The following ADARB2 variants were observed in gnomAD, a reference collection of about 807,000 sequenced individuals.
ADARB2 encodes adenosine deaminase RNA specific B2 (inactive).
ADARB2 carries 25 observed loss-of-function variants against 62.2 expected under a neutral mutation model. The ratio of observed to expected loss-of-function variants is 0.40; its 90% CI spans 0.29 to 0.56. The LOEUF is 0.56. ADARB2 is among the 20% of genes least tolerant of loss of function. ADARB2 has a pLI of 0.43. For missense variants in ADARB2, 1,071 were observed against 1,077.4 expected, an observed-to-expected ratio of 0.99 and a Z score of 0.08; for synonymous variants, 572 against 500.8, an observed-to-expected ratio of 1.14 and a Z score of -1.90.
chr10:1,404,661 G>A (rs946618888), intron 1 of ADARB2, among the ~76,000 whole-genome samples: 5 of 152,196 alleles, frequency 3.3e-5, no homozygotes, highest in African/African-American at 1.2e-4. Flanking sequence ...TGCCTGGCGA[G>A]TCTCTTAAAG....
chr10:1,607,431 C>T (rs1423199352), intron 1 of ADARB2, among the ~76,000 whole-genome samples: 1 of 152,232 alleles, frequency 6.6e-6, no homozygotes, highest in African/African-American at 2.4e-5. Flanking sequence ...CTAACCTCGG[C>T]TCTGAAGTTT....
At chr10:1,566,063 CAAAAAAAAAAAAAAAAA>C (rs376967105) in intron 1 of ADARB2, among the ~76,000 whole-genome samples, 19 of 128,030 alleles carry the variant, frequency 1.5e-4, no homozygotes, top group African/African-American at 5.4e-4. Context: ...CTCAGTCTAG[CAAAAAAAAAAAAAAAAA>C]AAAAAAAAAA....
chr10:1,405,505 C>T (rs1832699893), intron 1 of ADARB2, among the ~76,000 whole-genome samples: 1 of 151,894 alleles, frequency 6.6e-6, no homozygotes, highest in Admixed American at 6.6e-5. Flanking sequence ...TGGTAGGGGC[C>T]TGTAATCCCA....
chr10:1,217,326 A>G (rs7100374), intron 6 of ADARB2, among the ~76,000 whole-genome samples: 5,640 of 152,246 alleles, frequency 0.037, 330 homozygotes, highest in African/African-American at 0.13. Flanking sequence ...CCAACTTCCC[A>G]GTCAAGGGTC....
intron 1 of ADARB2, among the ~76,000 whole-genome samples, chr10:1,442,092 G>A (rs979880067): frequency 1.3e-5 from 2 of 152,134 alleles, no homozygotes; most frequent in Admixed American, 1.3e-4. Context: ...AATACCCCAT[G>A]GGGTATATTA....
At chr10:1,213,394 AAGAC>A (rs1407859172) in intron 7 of ADARB2, among the ~76,000 whole-genome samples, 1 of 152,162 alleles carries the variant, frequency 6.6e-6, no homozygotes, top group Admixed American at 6.5e-5. Flanking sequence ...AGCCAAGTCT[AAGAC>A]AGGAGAGAAC....
chr10:1,427,970 T>C (rs866341175), intron 1 of ADARB2, among the ~76,000 whole-genome samples: 98 of 150,814 alleles, frequency 6.5e-4, no homozygotes, highest in Admixed American at 1.5e-3. Flanking sequence ...AGTCCCATTT[T>C]TTTTTTTTTT....
At chr10:1,277,067 A>C (rs1269291242) in intron 3 of ADARB2, among the ~76,000 whole-genome samples, 10 of 152,244 alleles carry the variant, frequency 6.6e-5, no homozygotes, top group Admixed American at 3.9e-4. Flanking sequence ...AGGAGAACAA[A>C]GACACAACAT....
intron 1 of ADARB2, among the ~76,000 whole-genome samples, chr10:1,410,505 G>A (rs941557098): frequency 1.3e-5 from 2 of 152,188 alleles, no homozygotes; most frequent in Non-Finnish European, 2.9e-5. Flanking sequence ...CCTTCTCCAG[G>A]CGGGCAGACA....
intron 3 of ADARB2, among the ~76,000 whole-genome samples, chr10:1,296,210 A>C (rs758300100): frequency 1.3e-5 from 2 of 152,202 alleles, no homozygotes; most frequent in African/African-American, 2.4e-5. Flanking sequence ...TAAGACAAAC[A>C]TGAATGGGAG....
At chr10:1,503,489 T>C (rs2063938) in intron 1 of ADARB2, among the ~76,000 whole-genome samples, 25,026 of 152,050 alleles carry the variant, frequency 0.16, 2,346 homozygotes, top group Middle Eastern at 0.23. Flanking sequence ...CAATTCCCTT[T>C]CAGCCCCCCT....
intron 1 of ADARB2, among the ~76,000 whole-genome samples, chr10:1,722,330 T>C (rs963200176): frequency 5.9e-5 from 9 of 152,250 alleles, no homozygotes; most frequent in Non-Finnish European, 7.3e-5. Context: ...GAGGTTAAAA[T>C]AGAACATGCA....
At chr10:1,394,753 T>C in intron 1 of ADARB2, 1 of 436,254 alleles carries the variant, frequency 2.3e-6, no homozygotes, top group Non-Finnish European at 4.6e-6. Flanking sequence ...AGCCAGGGCC[T>C]GAGATGAGAC....
rs202198509 is a variant in ADARB2, at chr10:1,184,874, C to T, written c.2030G>A (p.Arg677Gln). 143 of 1,613,226 alleles carry T rather than the reference C, an allele frequency of 8.9e-5. No individual in the cohort carries two copies. Among genetic ancestry groups the T allele is most frequent in the Non-Finnish European group, 1.1e-4 (127 of 1,179,796 alleles). Residue 677 changes from arginine to glutamine, a missense_variant, in exon 9 of 10, where the codon CGG becomes CAG. By Grantham distance (43) the Arg-to-Gln change is conservative. Coordinates refer to ENST00000381312, the MANE Select transcript of ADARB2 (RefSeq NM_018702.4). Reference sequence around the variant, plus strand: ...GGTGCGACCTACCCTGCCATACAGCCGCGCCCACCGTGCAGACAGCACGTG... The same window carrying T: ...GGTGCGACCTACCCTGCCATACAGCTGCGCCCACCGTGCAGACAGCACGTG... ...CKHVLSARWA[R>Q]LYGRLSTRTP...
chr10:1,433,661 C>T (rs947637988), intron 1 of ADARB2, among the ~76,000 whole-genome samples: 1 of 152,162 alleles, frequency 6.6e-6, no homozygotes, highest in Non-Finnish European at 1.5e-5. Context: ...CCAGGCCCAC[C>T]TCCCACCAAC....
At position 1,630,172 on chromosome 10, in the gene ADARB2, T is replaced by C. The variant is rs143656003; in HGVS notation, c.100+106879A>G. On this transcript the variant is annotated intron_variant, in intron 1 of 9. Transcript: ENST00000381312. ...TAGGAGATAATTATTTCTTTATACATTTAGCAAACATTCATGAAGGGTCCA... is the reference window on the plus strand; with the variant it reads ...TAGGAGATAATTATTTCTTTATACACTTAGCAAACATTCATGAAGGGTCCA... 6.4e-3 allele frequency among the ~76,000 whole-genome samples: 971 copies of C among 152,282 alleles called. 10 individuals carry two copies. The highest frequency in any genetic ancestry group is 0.022 in the African/African-American group (929 of 41,550).
intron 1 of ADARB2, among the ~76,000 whole-genome samples, chr10:1,627,283 G>A (rs1041795698): frequency 2.0e-5 from 3 of 152,074 alleles, no homozygotes; most frequent in South Asian, 2.1e-4. Flanking sequence ...TCCTGATCAC[G>A]GACACTTGAC....
chr10:1,708,126 G>A (rs1834912405), intron 1 of ADARB2, among the ~76,000 whole-genome samples: 1 of 152,212 alleles, frequency 6.6e-6, no homozygotes, highest in South Asian at 2.1e-4. Flanking sequence ...TCTGCTCCGT[G>A]CGGGCTGCCT....
chr10:1,550,295 C>T (rs1040975342), intron 1 of ADARB2, among the ~76,000 whole-genome samples: 2 of 152,174 alleles, frequency 1.3e-5, no homozygotes, highest in Admixed American at 6.5e-5. Context: ...CCCTGAATTT[C>T]CTGGAAGTGC....
Sources: allele counts gnomAD v4.1 joint callset (sites outside exome capture counted in the v4.1 genomes callset), GRCh38; gene constraint gnomAD v4.1.1; transcripts MANE v1.5; gene names NCBI Gene and HGNC (gene_info 2026-07-23, HGNC 2026-07-21).